PLA2R1: variants seen among roughly 807,000 people sequenced by gnomAD.
The protein encoded by PLA2R1 is phospholipase A2 receptor 1, also known as secretory phospholipase A2 receptor.
PLA2R1 carries 158 observed loss-of-function variants against 195.9 expected under a neutral mutation model. That is an observed-to-expected ratio of 0.81 (90% CI 0.71 to 0.92). PLA2R1 has a LOEUF of 0.92. Ranked by LOEUF, PLA2R1 falls within the 40% of genes least tolerant of loss-of-function variation. PLA2R1 has a pLI of 0.00. For synonymous variants in PLA2R1, 586 were observed against 598.2 expected (o/e 0.98, Z 0.30); for missense variants, 1,626 against 1,764.6 (o/e 0.92, Z 1.41).
In PLA2R1 at chr2:159,932,251, G is replaced by A. The variant is rs1241467047; in HGVS notation, c.*9527C>T. 1 of 152,270 alleles carries A rather than the reference G, an allele frequency of 6.6e-6. No individual in the cohort carries two copies. Among genetic ancestry groups the A allele is most frequent in the African/African-American group, 2.4e-5 (1 of 41,464 alleles). The allele number at this position is 152,270 out of a possible 1,614,324, so 9.4% of individuals were successfully genotyped here. A position where few individuals can be genotyped will look rare whatever the true frequency, so the allele number is the denominator to read the frequency against. On this transcript the variant is annotated 3_prime_UTR_variant, in exon 30 of 30. Coordinates refer to ENST00000283243, the MANE Select transcript of PLA2R1 (RefSeq NM_007366.5). ...GGTCTGCTTCGTTCACGCACTGTCT[G>A]TTTGGTAGTGTGCAGAGATGGTTTT... is the stretch of plus-strand genomic sequence containing the variant.
At chr2:160,016,886 T>C (rs1858295) in intron 8 of PLA2R1, among the ~76,000 whole-genome samples, 174 bp from the exon 9 acceptor site, 110,321 of 152,144 alleles carry the variant, frequency 0.73, 40,467 homozygotes, top group East Asian at 0.87. Flanking sequence ...GGAAAGGCCC[T>C]TCTCTCCAGC....
rs1687600965 is a variant in PLA2R1, at chr2:159,949,593, TAGA to T, written c.3709+12_3709+14del. ...AAATAAGGTATATTTTTGAGTTGAA[TAGA>T]ATTGAACCTACCAGGTGGCACATGA... On this transcript the variant is annotated intron_variant, in intron 25 of 29. Transcript: ENST00000283243. 6.3e-7 allele frequency: 1 copy of T among 1,599,660 alleles called. No individual in the cohort carries two copies. Among genetic ancestry groups the T allele is most frequent in the Non-Finnish European group, 8.6e-7 (1 of 1,167,440 alleles).
At chr2:159,969,486 T>C in intron 18 of PLA2R1, 127 bp from the exon 19 acceptor site, 1 of 556,374 alleles carries the variant, frequency 1.8e-6, no homozygotes, top group South Asian at 2.6e-5. Context: ...AATATACTCA[T>C]ATGTAGCATA....
chr2:159,966,021 C>T (rs1490686854), intron 20 of PLA2R1, among the ~76,000 whole-genome samples: 3 of 152,136 alleles, frequency 2.0e-5, no homozygotes. Flanking sequence ...AGAAAAGTCA[C>T]ACAATTTTGT....
chr2:160,057,178 T>C (rs1205833983), intron 1 of PLA2R1, among the ~76,000 whole-genome samples: 1 of 152,094 alleles, frequency 6.6e-6, no homozygotes, highest in Non-Finnish European at 1.5e-5. Flanking sequence ...CAGAGGAAAG[T>C]CCTACTAGTC....
chr2:160,010,243 A>G (rs1270174318), intron 10 of PLA2R1, among the ~76,000 whole-genome samples: 1 of 152,250 alleles, frequency 6.6e-6, no homozygotes. Context: ...TTGATTCAAA[A>G]TTTAGACATA....
chr2:160,013,964 T>C (rs1015697763), intron 9 of PLA2R1, among the ~76,000 whole-genome samples: 12 of 152,096 alleles, frequency 7.9e-5, no homozygotes, highest in African/African-American at 2.4e-4. Context: ...ACAATACAGA[T>C]AGAGATTTTA....
At position 159,932,874 on chromosome 2, in the gene PLA2R1, T is replaced by C. The variant is rs1361561482; in HGVS notation, c.*8904A>G. The C allele has an allele frequency of 2.0e-5, 3 of 152,134 alleles. No individual in the cohort carries two copies. The highest frequency in any genetic ancestry group is 4.4e-5 in the Non-Finnish European group (3 of 68,020). The allele number at this position is 152,134 out of a possible 1,614,324, so 9.4% of individuals were successfully genotyped here. On this transcript the variant is annotated 3_prime_UTR_variant, in exon 30 of 30. Coordinates refer to ENST00000283243, the MANE Select transcript of PLA2R1 (RefSeq NM_007366.5). ...GAAAAATATCCAGGAACATATACAT[T>C]GGATCTAATATAAATAAGAGACTTA... is the stretch of plus-strand genomic sequence containing the variant.
At chr2:159,992,902 G>A (rs1032813191) in intron 11 of PLA2R1, among the ~76,000 whole-genome samples, 2 of 152,194 alleles carry the variant, frequency 1.3e-5, no homozygotes, top group Non-Finnish European at 2.9e-5. Context: ...AATGAAACAC[G>A]CCAGGGGTAT....
intron 1 of PLA2R1, among the ~76,000 whole-genome samples, chr2:160,053,470 C>T (rs2105682292): frequency 6.6e-6 from 1 of 152,078 alleles, no homozygotes; most frequent in East Asian, 1.9e-4. Context: ...ATGGGGAAGT[C>T]AAGTCAATGT....
In PLA2R1 at chr2:159,941,636, C is replaced by A. The variant is rs2125914219; in HGVS notation, c.*142G>T. On this transcript the variant is annotated 3_prime_UTR_variant, in exon 30 of 30. Coordinates refer to ENST00000283243, the MANE Select transcript of PLA2R1 (RefSeq NM_007366.5). Reference sequence around the variant, plus strand: ...ATCTGATTTGGTTAAGATTCAAAACCAGTAATCACTTCAAGAATAATTAAA... The same window carrying A: ...ATCTGATTTGGTTAAGATTCAAAACAAGTAATCACTTCAAGAATAATTAAA... 3.5e-6 allele frequency: 2 copies of A among 563,422 alleles called. No homozygotes were observed. Among genetic ancestry groups the A allele is most frequent in the East Asian group, 5.7e-5 (2 of 34,950 alleles). The allele number at this position is 563,422 out of a possible 1,614,324, so 34.9% of individuals were successfully genotyped here.
intron 10 of PLA2R1, among the ~76,000 whole-genome samples, 197 bp from the exon 11 acceptor site, chr2:160,006,018 T>C (rs1558909699): frequency 6.6e-6 from 1 of 152,148 alleles, no homozygotes; most frequent in South Asian, 2.1e-4. Flanking sequence ...CCCAGAACTA[T>C]ATGAGTGAGC....
At chr2:159,946,418 C>T (rs1212380038) in intron 27 of PLA2R1, 6 of 990,242 alleles carry the variant, frequency 6.1e-6, no homozygotes, top group Middle Eastern at 5.1e-4. Context: ...CCTAACAGCA[C>T]AGTTCATCAT....
intron 20 of PLA2R1, among the ~76,000 whole-genome samples, chr2:159,960,150 G>T (rs1289182309): frequency 1.3e-5 from 2 of 151,998 alleles, no homozygotes; most frequent in Non-Finnish European, 2.9e-5. Context: ...GTTTCCTTTA[G>T]TTTCTTAAAT....
chr2:159,969,480 T>C (rs1689003515), intron 18 of PLA2R1, 121 bp from the exon 19 acceptor site: 2 of 566,002 alleles, frequency 3.5e-6, no homozygotes, highest in African/African-American at 1.9e-5. Context: ...TTAAAAAATA[T>C]ACTCATATGT....
rs1455763886 is a variant in PLA2R1, at chr2:160,004,307, T to C, written c.1834+1345A>G. Among the ~76,000 whole-genome samples the C allele has an allele frequency of 3.3e-5, 5 of 152,360 alleles. No homozygotes were observed. The South Asian group carries it at 8.3e-4, about 25-fold the overall frequency. On this transcript the variant is annotated intron_variant, in intron 11 of 29. Transcript: ENST00000283243. ...ATGAGGTATATGGTCACATTATCTA[T>C]AGTAAGAATATATTCATGATTTCAT...
At chr2:159,958,141 G>A (rs1241175590) in intron 20 of PLA2R1, among the ~76,000 whole-genome samples, 1 of 152,180 alleles carries the variant, frequency 6.6e-6, no homozygotes, top group Non-Finnish European at 1.5e-5. Context: ...GGTGGGAGGT[G>A]ATTGGATCAT....
intron 10 of PLA2R1, among the ~76,000 whole-genome samples, chr2:160,010,990 C>T (rs577826853): frequency 9.2e-5 from 14 of 152,130 alleles, no homozygotes; most frequent in Admixed American, 3.3e-4. Context: ...TCTGGACAGG[C>T]GTAGGAGGCC....
In PLA2R1 at chr2:159,991,752, T is replaced by C. The variant is rs566673157; in HGVS notation, c.1835-4394A>G. Among the ~76,000 whole-genome samples, 12 of 139,316 alleles carry C rather than the reference T, an allele frequency of 8.6e-5. No homozygotes were observed. In the South Asian group the frequency reaches 2.7e-3, roughly 31 times the overall value. 91.4% of individuals were successfully genotyped at this position (139,316 alleles called of 152,430 possible). On this transcript the variant is annotated intron_variant, in intron 11 of 29. Transcript: ENST00000283243. ...TCTTGCGATAGTTTACTGAGAATGA[T>C]GATTTCCAATTTCATCCATGTCCCT...
Sources: gnomAD v4.1 joint callset for allele counts (sites outside exome capture counted in the v4.1 genomes callset) on GRCh38, gnomAD v4.1.1 for gene constraint, MANE v1.5 for transcripts, NCBI Gene and HGNC (gene_info 2026-07-23, HGNC 2026-07-21) for gene names.